Variants in FANCI observed in about 807,000 individuals in gnomAD.
The protein encoded by FANCI is Fanconi anemia group I protein.
Under a neutral mutation model 176.1 loss-of-function variants are expected in FANCI, and 156 were observed. The observed-to-expected ratio is 0.89, with a 90% CI of 0.78 to 1.01. The LOEUF (loss-of-function observed/expected upper bound fraction) is 1.01, where lower values mean the gene tolerates loss of function less well. Ranked by LOEUF, FANCI falls within the 50% of genes least tolerant of loss-of-function variation. FANCI has a pLI of 0.00. For missense variants in FANCI, 1,678 were observed against 1,534.1 expected, an observed-to-expected ratio of 1.09 and a Z score of -1.57; for synonymous variants, 613 against 541.7, an observed-to-expected ratio of 1.13 and a Z score of -1.83.
At chr15:89,291,859 C>G in intron 20 of FANCI, 145 bp downstream of exon 20, 1 of 708,734 alleles carries the variant, frequency 1.4e-6, no homozygotes, top group South Asian at 1.6e-5. Flanking sequence ...CTTATCATTT[C>G]TGAACCATTA....
At chr15:89,311,415 C>T (rs116284372) in intron 34 of FANCI, among the ~76,000 whole-genome samples, 1,641 of 152,228 alleles carry the variant, frequency 0.011, 28 homozygotes, top group African/African-American at 0.037. Flanking sequence ...TGAAACTCCA[C>T]CTCAAAAAAA....
chr15:89,267,525 G>A (rs1011037861), intron 9 of FANCI, among the ~76,000 whole-genome samples: 2 of 151,936 alleles, frequency 1.3e-5, no homozygotes, highest in Non-Finnish European at 2.9e-5. Flanking sequence ...TGGGGGTGAG[G>A]GTAGAAAGAG....
chr15:89,262,238 CT>C (rs968409980), intron 6 of FANCI, among the ~76,000 whole-genome samples: 1 of 151,440 alleles, frequency 6.6e-6, no homozygotes, highest in East Asian at 1.9e-4. Context: ...TGCATCTTTT[CT>C]TTTTTTCTTT....
intron 2 of FANCI, among the ~76,000 whole-genome samples, chr15:89,253,720 C>T (rs2052367055): frequency 7.1e-6 from 1 of 139,990 alleles, no homozygotes; most frequent in African/African-American, 2.7e-5. Flanking sequence ...AAATGGCAAA[C>T]TGGGAAAAAA....
chr15:89,314,537 G>C (rs1190321609), intron 35 of FANCI, 75 bp from the exon 36 acceptor site: 2 of 1,090,352 alleles, frequency 1.8e-6, no homozygotes, highest in Non-Finnish European at 1.4e-6. Context: ...ATACAGTTTT[G>C]TAAGTGACAG....
intron 26 of FANCI, among the ~76,000 whole-genome samples, chr15:89,300,734 C>T (rs2054496759): frequency 6.6e-6 from 1 of 152,182 alleles, no homozygotes; most frequent in South Asian, 2.1e-4. Context: ...AAACACTGGA[C>T]AATAAAGTTT....
chr15:89,298,456 T>C (rs1233664730), intron 24 of FANCI, among the ~76,000 whole-genome samples: 1 of 152,036 alleles, frequency 6.6e-6, no homozygotes, highest in Non-Finnish European at 1.5e-5. Flanking sequence ...ACAGACAACA[T>C]GTCAAAAGAT....
intron 34 of FANCI, 99 bp downstream of exon 34, chr15:89,307,771 T>C (rs2054783227): frequency 1.3e-6 from 2 of 1,594,034 alleles, no homozygotes; most frequent in South Asian, 1.1e-5. Context: ...ATATAAACTT[T>C]TTTCCCTGCT....
intron 2 of FANCI, among the ~76,000 whole-genome samples, chr15:89,251,182 C>G (rs185779478): frequency 2.0e-5 from 3 of 152,238 alleles, no homozygotes; most frequent in Admixed American, 1.3e-4. Context: ...ACAGTAGATT[C>G]CTGTGCAAAT....
At chr15:89,258,112 G>A (rs2052574150) in intron 2 of FANCI, among the ~76,000 whole-genome samples, 1 of 151,388 alleles carries the variant, frequency 6.6e-6, no homozygotes, top group African/African-American at 2.4e-5. Context: ...AATATGCCAA[G>A]TTCTTTGCTG....
At chr15:89,274,901 G>C (rs971016120) in intron 12 of FANCI, among the ~76,000 whole-genome samples, 5 of 151,556 alleles carry the variant, frequency 3.3e-5, no homozygotes, top group Non-Finnish European at 5.9e-5. Context: ...CACCGGTCCT[G>C]GCCGTTTCTT....
intron 24 of FANCI, among the ~76,000 whole-genome samples, chr15:89,298,937 G>A (rs544261503): frequency 3.9e-5 from 6 of 152,208 alleles, no homozygotes; most frequent in Admixed American, 1.3e-4. Context: ...TTGGGAGGCC[G>A]AAGCAGGTGG....
intron 1 of FANCI, chr15:89,245,234 T>C (rs1048583369): frequency 6.6e-6 from 1 of 150,386 alleles, no homozygotes; most frequent in African/African-American, 2.5e-5. Context: ...AGTGGCGCGA[T>C]CTCGGCTCAC....
Position 89,290,204 on chromosome 15 carries a change from TC to T in FANCI, c.1822-7del, listed in dbSNP as rs1457763718. 1.9e-6 allele frequency: 3 copies of T among 1,610,654 alleles called. No homozygotes were observed. Among genetic ancestry groups the T allele is most frequent in the Non-Finnish European group, 2.5e-6 (3 of 1,176,920 alleles). Reference sequence around the variant, plus strand: ...AAAGTGCTTATTTCTTCTCTTTGATTCCTCTTAGGGGTTTTATGATGTTCTT... The same window carrying T: ...AAAGTGCTTATTTCTTCTCTTTGATTCTCTTAGGGGTTTTATGATGTTCTT... On this transcript the variant is annotated splice_region_variant and splice_polypyrimidine_tract_variant and intron_variant, in intron 18 of 37. Transcript: ENST00000310775.
At chr15:89,261,959 T>C in intron 6 of FANCI, 81 bp downstream of exon 6, 1 of 1,208,788 alleles carries the variant, frequency 8.3e-7, no homozygotes, top group Non-Finnish European at 1.1e-6. Context: ...AATTTATGTC[T>C]GGAGGTTTTA....
Position 89,258,730 on chromosome 15 carries a change from A to G in FANCI, c.111A>G (p.Ala37=). 6.2e-7 allele frequency: 1 copy of G among 1,613,774 alleles called. No individual in the cohort carries two copies. Among genetic ancestry groups the G allele is most frequent in the Non-Finnish European group, 8.5e-7 (1 of 1,179,706 alleles). Residue 37 remains alanine (A), a synonymous_variant, in exon 3 of 38, where the codon GCA becomes GCG. Coordinates refer to ENST00000310775, the MANE Select transcript of FANCI (RefSeq NM_001113378.2). ...GDLTNLLQNQ[A]VKGKVAGALL... is the part of the protein sequence containing the mutation. Reference sequence around the variant, plus strand: ...TGACTAATCTCCTTCAGAATCAAGCAGTGAAAGGAAAAGTTGCTGGAGCAC... The same window carrying G: ...TGACTAATCTCCTTCAGAATCAAGCGGTGAAAGGAAAAGTTGCTGGAGCAC...
intron 31 of FANCI, 98 bp from the exon 32 acceptor site, chr15:89,305,909 A>T (rs1450123549): frequency 7.6e-7 from 1 of 1,316,802 alleles, no homozygotes; most frequent in East Asian, 2.3e-5. Flanking sequence ...TTTTTCCATA[A>T]AGACTTTCTA....
chr15:89,250,024 C>G (rs1325164471), intron 2 of FANCI, among the ~76,000 whole-genome samples: 1 of 152,154 alleles, frequency 6.6e-6, no homozygotes, highest in Non-Finnish European at 1.5e-5. Flanking sequence ...TCTCTGTGAT[C>G]ACAATGCAAT....
At chr15:89,258,075 T>A (rs1192053446) in intron 2 of FANCI, among the ~76,000 whole-genome samples, 2 of 152,216 alleles carry the variant, frequency 1.3e-5, no homozygotes, top group African/African-American at 4.8e-5. Flanking sequence ...GTTGATTTTT[T>A]TTTTTTTAAG....
Sources: allele counts gnomAD v4.1 joint callset (sites outside exome capture counted in the v4.1 genomes callset), GRCh38; gene constraint gnomAD v4.1.1; transcripts MANE v1.5; gene names NCBI Gene and HGNC (gene_info 2026-07-23, HGNC 2026-07-21).